The following EML6 variants were observed in gnomAD, a reference collection of about 807,000 sequenced individuals.
EML6 encodes the protein EMAP like 6.
EML6 carries 154 observed loss-of-function variants against 240.1 expected under a neutral mutation model. The ratio of observed to expected loss-of-function variants is 0.64; its 90% confidence interval spans 0.56 to 0.73. EML6 has a LOEUF of 0.73. Among genes scored for constraint, EML6 ranks in the 30% least tolerant of loss-of-function variants. The probability of loss-of-function intolerance (pLI) is 0.00; values close to 1 mark genes in which losing one functional copy is unlikely to be tolerated. For synonymous variants in EML6, 1,148 were observed against 899.0 expected (o/e 1.28, Z -4.95); for missense variants, 2,964 against 2,474.6 (o/e 1.20, Z -4.20).
intron 2 of EML6, among the ~76,000 whole-genome samples, chr2:54,729,189 G>C (rs966249086): frequency 2.6e-5 from 4 of 152,228 alleles, no homozygotes; most frequent in African/African-American, 9.6e-5. Flanking sequence ...CCAGTGGTAA[G>C]TGTGCAGCAC....
intron 2 of EML6, among the ~76,000 whole-genome samples, chr2:54,744,943 CACACACACACACACACACA>C (rs1572848562): frequency 1.2e-4 from 16 of 134,300 alleles, no homozygotes; most frequent in South Asian, 4.5e-4. Flanking sequence ...CACACACACA[CACACACACACACACACACA>C]CCCTGCCATG....
chr2:54,882,816 G>C (rs1459858070), intron 17 of EML6: 2 of 115,564 alleles, frequency 1.7e-5, no homozygotes, highest in Non-Finnish European at 3.5e-5. Flanking sequence ...CGAGATCACG[G>C]CACTGCACTC....
At chr2:54,875,886 T>A (rs1483276159) in intron 16 of EML6, among the ~76,000 whole-genome samples, 1 of 152,200 alleles carries the variant, frequency 6.6e-6, no homozygotes, top group Non-Finnish European at 1.5e-5. Flanking sequence ...CCATATAATT[T>A]TTTTAAAAGC....
chr2:54,893,825 C>T (rs1218736112), intron 19 of EML6, among the ~76,000 whole-genome samples: 1 of 152,082 alleles, frequency 6.6e-6, no homozygotes, highest in Non-Finnish European at 1.5e-5. Flanking sequence ...GGTTGTTTTG[C>T]TGGCAAAGGT....
chr2:54,877,459 TAAAAA>T (rs5831327), intron 16 of EML6, among the ~76,000 whole-genome samples: 1 of 151,818 alleles, frequency 6.6e-6, no homozygotes, highest in African/African-American at 2.4e-5. Flanking sequence ...TTAAAAGTCT[TAAAAA>T]AAAGCTTATG....
At chr2:54,863,020 GTGTTCCAA>G (rs1670765732) in intron 12 of EML6, among the ~76,000 whole-genome samples, 1 of 152,212 alleles carries the variant, frequency 6.6e-6, no homozygotes, top group African/African-American at 2.4e-5. Context: ...TGGGGCCTAT[GTGTTCCAA>G]TTCAGTGGAC....
At chr2:54,869,443 T>G in intron 15 of EML6, 76 bp downstream of exon 15, 1 of 1,102,848 alleles carries the variant, frequency 9.1e-7, no homozygotes, top group South Asian at 1.6e-5. Context: ...TATTAGAAAT[T>G]CAAGAAATGC....
intron 2 of EML6, among the ~76,000 whole-genome samples, chr2:54,758,899 CA>C (rs990316612): frequency 3.3e-5 from 4 of 120,516 alleles, no homozygotes; most frequent in African/African-American, 1.3e-4. Flanking sequence ...GGGTGCTCTG[CA>C]AACATAAAAT....
intron 32 of EML6, among the ~76,000 whole-genome samples, chr2:54,957,037 A>C (rs1389857587): frequency 6.6e-6 from 1 of 152,196 alleles, no homozygotes; most frequent in Non-Finnish European, 1.5e-5. Flanking sequence ...TCAGAGTATC[A>C]AGCACTGTGC....
At chr2:54,882,812 C>G (rs895413454) in intron 17 of EML6, 3 of 125,554 alleles carry the variant, frequency 2.4e-5, no homozygotes, top group Admixed American at 1.0e-4. Flanking sequence ...GAGCCGAGAT[C>G]ACGGCACTGC....
intron 11 of EML6, among the ~76,000 whole-genome samples, chr2:54,859,108 T>C (rs938498585): frequency 3.9e-5 from 6 of 152,204 alleles, no homozygotes; most frequent in African/African-American, 1.4e-4. Flanking sequence ...GAGGAAAAAA[T>C]GATTCTCCAA....
intron 2 of EML6, among the ~76,000 whole-genome samples, chr2:54,809,359 C>T (rs537236313): frequency 1.9e-4 from 29 of 152,324 alleles, no homozygotes; most frequent in Non-Finnish European, 4.1e-4. Flanking sequence ...GTGGCACTCT[C>T]CGCTTCTGTG....
chr2:54,840,712 T>C (rs560314804), intron 7 of EML6, among the ~76,000 whole-genome samples: 7 of 152,256 alleles, frequency 4.6e-5, no homozygotes, highest in Non-Finnish European at 8.8e-5. Context: ...CAGTAATCTT[T>C]ATTGAGCATC....
At chr2:54,770,234 G>A (rs1266130115) in intron 2 of EML6, among the ~76,000 whole-genome samples, 1 of 152,116 alleles carries the variant, frequency 6.6e-6, no homozygotes, top group African/African-American at 2.4e-5. Flanking sequence ...AATAGTATAA[G>A]GATATAATTT....
intron 28 of EML6, among the ~76,000 whole-genome samples, chr2:54,940,796 CTT>C (rs1675390519): frequency 6.6e-6 from 1 of 152,152 alleles, no homozygotes; most frequent in East Asian, 1.9e-4. Flanking sequence ...GGCAAAATGA[CTT>C]TTTGATCTTT....
chr2:54,741,643 G>A (rs1683637972), intron 2 of EML6, among the ~76,000 whole-genome samples: 1 of 152,158 alleles, frequency 6.6e-6, no homozygotes, highest in Non-Finnish European at 1.5e-5. Context: ...GATACATCTG[G>A]AATATCTTCT....
At chr2:54,791,284 G>A (rs1319833312) in intron 2 of EML6, among the ~76,000 whole-genome samples, 1 of 152,160 alleles carries the variant, frequency 6.6e-6, no homozygotes, top group Non-Finnish European at 1.5e-5. Context: ...GTATGCTCAC[G>A]CAAGTGGGTC....
intron 2 of EML6, among the ~76,000 whole-genome samples, chr2:54,744,694 G>C (rs1417466583): frequency 6.6e-6 from 1 of 151,958 alleles, no homozygotes; most frequent in Non-Finnish European, 1.5e-5. Flanking sequence ...GGTCAGTTAG[G>C]GGAGAGAGGG....
Position 54,964,596 on chromosome 2 carries a change from G to A in EML6, c.5356G>A (p.Ala1786Thr). 1.3e-6 allele frequency: 2 copies of A among 1,552,364 alleles called. No homozygotes were observed. Among genetic ancestry groups the A allele is most frequent in the South Asian group, 1.2e-5 (1 of 84,060 alleles). The change falls in exon 38 of 42, where the codon GCC becomes ACC. Residue 1786 changes from alanine (A) to threonine (T), a missense_variant. Physicochemically the swap from Ala to Thr is moderately conservative, Grantham distance 58. Transcript: ENST00000356458. ...IRISPDNRFLAVGSSEHTVDF... is the reference protein window; with the variant it reads ...IRISPDNRFLTVGSSEHTVDF... ...AATCAGCCCAGACAACCGATTCTTA[G>A]CCGTTGGTTCTTCTGAACACACAGT...
Sources: gnomAD v4.1 joint callset for allele counts (sites outside exome capture counted in the v4.1 genomes callset) on GRCh38, gnomAD v4.1.1 for gene constraint, MANE v1.5 for transcripts, NCBI Gene and HGNC (gene_info 2026-07-23, HGNC 2026-07-21) for gene names.